Variants in PDE4A observed in about 807,000 individuals in gnomAD.
PDE4A encodes the protein phosphodiesterase 4A, also known as 3',5'-cyclic-AMP phosphodiesterase 4A.
A neutral mutation model predicts 73.9 loss-of-function variants in PDE4A; 21 were observed. The observed-to-expected ratio is 0.28, with a 90% confidence interval of 0.20 to 0.41. PDE4A has a LOEUF of 0.41. PDE4A is among the 10% of genes least tolerant of loss of function. The pLI is 1.00. For synonymous variants in PDE4A, 463 were observed against 505.4 expected (o/e 0.92, Z 1.13); for missense variants, 958 against 1,211.4 (o/e 0.79, Z 3.10).
chr19:10,435,382 T>G (rs1484604147), intron 1 of PDE4A, among the ~76,000 whole-genome samples: 1 of 148,014 alleles, frequency 6.8e-6, no homozygotes, highest in Non-Finnish European at 1.5e-5. Flanking sequence ...GGCAACATGG[T>G]GAAACCCCAT....
chr19:10,447,290 A>G (rs1466083258), intron 2 of PDE4A, among the ~76,000 whole-genome samples: 3 of 133,730 alleles, frequency 2.2e-5, no homozygotes, highest in Non-Finnish European at 4.6e-5. Context: ...CAATGGTGCA[A>G]TCTCGGCTCA....
chr19:10,438,297 G>T (rs2042892234), intron 1 of PDE4A, among the ~76,000 whole-genome samples: 1 of 151,836 alleles, frequency 6.6e-6, no homozygotes, highest in Non-Finnish European at 1.5e-5. Flanking sequence ...ATTTTTATTA[G>T]AGACGGGGTT....
intron 1 of PDE4A, among the ~76,000 whole-genome samples, chr19:10,425,712 G>A (rs1391492989): frequency 3.3e-5 from 5 of 152,110 alleles, no homozygotes; most frequent in East Asian, 1.9e-4. Context: ...CTGGCTGGGC[G>A]CGGTGGCTCA....
intron 14 of PDE4A, among the ~76,000 whole-genome samples, chr19:10,466,196 C>G (rs2043366956): frequency 6.7e-6 from 1 of 149,978 alleles, no homozygotes; most frequent in African/African-American, 2.4e-5. Flanking sequence ...CCTGTAATCC[C>G]AGCACTTTGG....
chr19:10,442,481 G>A (rs1469002956), intron 1 of PDE4A, among the ~76,000 whole-genome samples: 1 of 152,006 alleles, frequency 6.6e-6, no homozygotes, highest in African/African-American at 2.4e-5. Context: ...CCGAGATCGC[G>A]CCACTGCACT....
At chr19:10,429,285 A>G (rs1329477747) in intron 1 of PDE4A, among the ~76,000 whole-genome samples, 1 of 120,976 alleles carries the variant, frequency 8.3e-6, no homozygotes, top group African/African-American at 3.2e-5. Flanking sequence ...GAAGGAAGAA[A>G]GAAAGAAAGA....
At chr19:10,433,579 C>T (rs1378318344) in intron 1 of PDE4A, among the ~76,000 whole-genome samples, 1 of 152,180 alleles carries the variant, frequency 6.6e-6, no homozygotes, top group Non-Finnish European at 1.5e-5. Flanking sequence ...CACCCATGAG[C>T]ACCCAGCCCC....
chr19:10,428,357 C>CGAGA (rs56177515), intron 1 of PDE4A, among the ~76,000 whole-genome samples: 3,720 of 137,302 alleles, frequency 0.027, 115 homozygotes, highest in African/African-American at 0.069. Context: ...GATCCTGTCT[C>CGAGA]GAGAGAGAGA....
intron 1 of PDE4A, among the ~76,000 whole-genome samples, chr19:10,445,311 C>A (rs2042988838): frequency 6.6e-6 from 1 of 152,180 alleles, no homozygotes; most frequent in Non-Finnish European, 1.5e-5. Flanking sequence ...GATTTTGGCA[C>A]CAAGGCTGAT....
rs995456976 is a variant in PDE4A, at chr19:10,421,026, T to G, written c.262T>G (p.Ser88Ala). The change falls in exon 1 of 15, where the codon TCG (serine) becomes GCG (alanine). Residue 88 changes from serine (S) to alanine (A), a missense_variant. Ser to Ala is a moderately conservative substitution (Grantham distance 99, BLOSUM62 1). Coordinates refer to ENST00000380702, the MANE Select transcript of PDE4A (RefSeq NM_001111307.2). ...GLRTTRMSWP[S>A]SFHGTGTGSG... ...GCGCACGACCCGCATGTCCTGGCCC[T>G]CGTCCTTCCATGGCACTGGCACCGG... 6.8e-7 allele frequency: 1 copy of G among 1,464,574 alleles called. No homozygotes were observed. The highest frequency in any genetic ancestry group is 8.9e-7 in the Non-Finnish European group (1 of 1,117,960). The allele number at this position is 1,464,574 out of a possible 1,614,324, so 90.7% of individuals were successfully genotyped here.
At position 10,463,965 on chromosome 19, in the gene PDE4A, A is replaced by G; in HGVS notation, c.1916A>G (p.Glu639Gly). 1 of 1,614,044 alleles carries G rather than the reference A, an allele frequency of 6.2e-7. No individual in the cohort carries two copies. ...TGTGACAAGCACACTGCCTCCGTGG[A>G]GAAGTCTCAGGTACAGGCTCGGGGC... The part of the protein sequence containing the change: ...PMCDKHTASV[E>G]KSQVGFIDYI... Residue 639 changes from glutamate to glycine, a missense_variant, in exon 14 of 15, where the codon GAG becomes GGG. Glu to Gly is a moderately conservative substitution (Grantham distance 98, BLOSUM62 -2). Coordinates refer to ENST00000380702, the MANE Select transcript of PDE4A (RefSeq NM_001111307.2).
intron 1 of PDE4A, chr19:10,432,694 G>A (rs1325922834): frequency 2.2e-6 from 2 of 928,290 alleles, no homozygotes; most frequent in East Asian, 3.3e-5. Flanking sequence ...GATCTGGCTG[G>A]GGCCCCACCC....
chr19:10,453,182 C>A lies in PDE4A; in HGVS notation c.784-1647C>A. The A allele has an allele frequency of 6.7e-7, 1 of 1,491,016 alleles. No individual in the cohort carries two copies. Among genetic ancestry groups the A allele is most frequent in the East Asian group, 2.6e-5 (1 of 38,848 alleles). 92.4% of individuals were successfully genotyped at this position (1,491,016 alleles called of 1,614,324 possible). ...TTCCACTACCCACCTGCCCGGCACC[C>A]CCTCCCCAGTGGTTGTTAACCCCGG... On this transcript the variant is annotated intron_variant, in intron 6 of 14. Transcript: ENST00000380702. This position sits in a 1 kb window ranked among gnomAD's most constrained non-coding sequence, Gnocchi z 4.6.
At position 10,458,048 on chromosome 19, in the gene PDE4A, C is replaced by T. The variant is rs758553354; in HGVS notation, c.1047C>T (p.Asn349=). 3 of 1,613,886 alleles carry T rather than the reference C, an allele frequency of 1.9e-6. No individual in the cohort carries two copies. The highest frequency in any genetic ancestry group is 1.7e-6 in the Non-Finnish European group (2 of 1,180,040). The change falls in exon 8 of 15, where the codon AAC becomes AAT. Residue 349 remains asparagine (N), a synonymous_variant. Coordinates refer to ENST00000380702, the MANE Select transcript of PDE4A (RefSeq NM_001111307.2). The surrounding 1 kb of genome is among the most constrained non-coding windows in gnomAD (Gnocchi z 4.6). ...KKLMHSNSLN[N]SNIPRFGVKT... is the part of the protein sequence containing the mutation. ...TGATGCATAGTAACAGCCTGAACAA[C>T]TCTAACATTCCCCGATTTGGGGTGA...
chr19:10,428,710 C>A, intron 1 of PDE4A: 1 of 904,568 alleles, frequency 1.1e-6, no homozygotes, highest in Non-Finnish European at 1.3e-6. Context: ...AATGAAGTGA[C>A]TAGCCCGAGA....
At chr19:10,419,154 G>A (rs1274685389), upstream of PDE4A, 18 of 922,012 alleles carry the variant, frequency 2.0e-5, no homozygotes, top group Non-Finnish European at 2.3e-5. Context: ...CGTGACAGGG[G>A]GCGCACGGGG....
chr19:10,417,918 A>G (rs1237795636), upstream of PDE4A: 13 of 1,513,738 alleles, frequency 8.6e-6, no homozygotes, highest in South Asian at 9.7e-5. Context: ...CACAGTGCCA[A>G]CTGGGCTAGG....
intron 1 of PDE4A, among the ~76,000 whole-genome samples, chr19:10,425,377 G>A (rs924880158): frequency 2.6e-5 from 4 of 152,198 alleles, no homozygotes; most frequent in Admixed American, 6.6e-5. Context: ...AAACGGGGCT[G>A]AAAAATAAGA....
Position 10,421,094 on chromosome 19 carries a change from C to T in PDE4A, c.320+10C>T, listed in dbSNP as rs1436327730. The T allele has an allele frequency of 1.2e-5, 16 of 1,363,208 alleles. No individual in the cohort carries two copies. The East Asian group carries it at 4.0e-4, about 34-fold the overall frequency. The allele number at this position is 1,363,208 out of a possible 1,614,324, so 84.4% of individuals were successfully genotyped here. Reference sequence around the variant, plus strand: ...GAGGCAGCAGCAGGCGGTAAGACTCCCCGCGGCGGATGCGCGCGGAACGGA... The same window carrying T: ...GAGGCAGCAGCAGGCGGTAAGACTCTCCGCGGCGGATGCGCGCGGAACGGA... On this transcript the variant is annotated intron_variant, in intron 1 of 14. Transcript: ENST00000380702.
Sources: allele counts gnomAD v4.1 joint callset (sites outside exome capture counted in the v4.1 genomes callset), GRCh38; gene constraint gnomAD v4.1.1; non-coding constraint Gnocchi (gnomAD v3.1); transcripts MANE v1.5; gene names NCBI Gene and HGNC (gene_info 2026-07-23, HGNC 2026-07-21).